CDKAL1: variants seen among roughly 807,000 people sequenced by gnomAD.
CDKAL1 encodes CDKAL1 threonylcarbamoyladenosine tRNA methylthiotransferase.
In CDKAL1, 32 loss-of-function variants were observed where a neutral mutation model predicts 68.2. The ratio of observed to expected loss-of-function variants is 0.47; its 90% CI spans 0.35 to 0.63. The LOEUF is 0.63. CDKAL1 is among the 30% of genes least tolerant of loss of function. CDKAL1 has a pLI of 0.00. For synonymous variants in CDKAL1, 234 were observed against 244.3 expected (o/e 0.96, Z 0.39); for missense variants, 606 against 696.7 (o/e 0.87, Z 1.47).
At position 20,557,049 on chromosome 6, in the gene CDKAL1, AAAAATAAAT is replaced by A. The variant is rs1260761622; in HGVS notation, c.286+8348_286+8356del. Among the ~76,000 whole-genome samples, 147 of 63,244 alleles carry A rather than the reference AAAAATAAAT, an allele frequency of 2.3e-3. 4 individuals are homozygous for A. In the East Asian group the frequency reaches 0.028, roughly 12 times the overall value. 41.5% of individuals were successfully genotyped at this position (63,244 alleles called of 152,430 possible). On this transcript the variant is annotated intron_variant, in intron 4 of 15. Coordinates refer to ENST00000274695, the MANE Select transcript of CDKAL1 (RefSeq NM_017774.3). ...AGAACGAGTCTCCATCTCAAAAAAAAAAAATAAATAAATAAATAAATAAATAAATAAATA... is the reference window on the plus strand; with the variant it reads ...AGAACGAGTCTCCATCTCAAAAAAAAAAATAAATAAATAAATAAATAAATA...
chr6:20,672,353 CTTTCTTTCT>C (rs1203851877), intron 5 of CDKAL1, among the ~76,000 whole-genome samples: 8 of 146,216 alleles, frequency 5.5e-5, no homozygotes, highest in Middle Eastern at 3.7e-3. Context: ...TCTCTCTTTC[CTTTCTTTCT>C]TTTCTTTCTT....
chr6:20,841,603 G>A (rs959082562), intron 8 of CDKAL1, among the ~76,000 whole-genome samples: 19 of 152,058 alleles, frequency 1.2e-4, no homozygotes, highest in African/African-American at 4.6e-4. Flanking sequence ...TCTACCATAG[G>A]TGTTTCTTAA....
intron 5 of CDKAL1, among the ~76,000 whole-genome samples, chr6:20,677,696 G>A (rs1218706502): frequency 6.6e-6 from 1 of 152,176 alleles, no homozygotes. Context: ...GATTACAGGT[G>A]TGAGCCCCCA....
intron 9 of CDKAL1, among the ~76,000 whole-genome samples, chr6:20,892,366 T>C (rs553205374): frequency 6.6e-6 from 1 of 152,320 alleles, no homozygotes; most frequent in East Asian, 1.9e-4. Context: ...TTGACAATTA[T>C]AAGACAAGTA....
At chr6:20,645,449 T>C (rs11963217) in intron 4 of CDKAL1, among the ~76,000 whole-genome samples, 35,051 of 152,048 alleles carry the variant, frequency 0.23, 4,412 homozygotes, top group African/African-American at 0.3. Flanking sequence ...TATTTACTTA[T>C]GGCCAGGCGC....
At chr6:20,717,868 A>G (rs193251332) in intron 5 of CDKAL1, among the ~76,000 whole-genome samples, 27 of 152,156 alleles carry the variant, frequency 1.8e-4, no homozygotes, top group Admixed American at 1.8e-3. Flanking sequence ...CTGGTTCTCT[A>G]ATTTTTCATC....
At chr6:20,618,369 T>C (rs1320881114) in intron 4 of CDKAL1, among the ~76,000 whole-genome samples, 1 of 152,244 alleles carries the variant, frequency 6.6e-6, no homozygotes, top group Admixed American at 6.5e-5. Context: ...AGGTTTCCTG[T>C]TCACTCTGAT....
chr6:20,872,605 G>T (rs1333838417), intron 9 of CDKAL1, among the ~76,000 whole-genome samples: 5 of 152,346 alleles, frequency 3.3e-5, no homozygotes, highest in Non-Finnish European at 5.9e-5. Flanking sequence ...AGTCTGAATA[G>T]CTGGGTGGAT....
intron 9 of CDKAL1, among the ~76,000 whole-genome samples, chr6:20,920,667 T>C (rs1357717786): frequency 1.3e-5 from 2 of 152,252 alleles, no homozygotes; most frequent in Non-Finnish European, 2.9e-5. Context: ...ATTTAGTTAG[T>C]ATTAAAATAA....
intron 9 of CDKAL1, among the ~76,000 whole-genome samples, chr6:20,869,551 C>T (rs980819896): frequency 3.9e-5 from 6 of 152,082 alleles, no homozygotes; most frequent in Admixed American, 6.5e-5. Flanking sequence ...GGTTGCCCAG[C>T]AGTATAAACA....
chr6:21,156,994 G>A (rs925791698), intron 13 of CDKAL1, among the ~76,000 whole-genome samples: 4 of 152,162 alleles, frequency 2.6e-5, no homozygotes, highest in African/African-American at 9.7e-5. Flanking sequence ...CTTCATATGT[G>A]TTTATTGATT....
chr6:21,103,607 A>T (rs912040115), intron 12 of CDKAL1, among the ~76,000 whole-genome samples: 4 of 152,190 alleles, frequency 2.6e-5, no homozygotes, highest in African/African-American at 9.7e-5. Context: ...AGCCCGCAAA[A>T]AATGCAGGAC....
chr6:21,180,766 C>T (rs1017754066), intron 13 of CDKAL1, among the ~76,000 whole-genome samples: 3 of 151,990 alleles, frequency 2.0e-5, no homozygotes, highest in African/African-American at 7.2e-5. Context: ...TTTTTATCTT[C>T]TGTTTGTGAT....
chr6:20,827,649 G>A (rs1409875504), intron 8 of CDKAL1, among the ~76,000 whole-genome samples: 4 of 152,060 alleles, frequency 2.6e-5, no homozygotes, highest in African/African-American at 7.2e-5. Flanking sequence ...ACTAAGTTAT[G>A]TGGTTCTGCC....
intron 5 of CDKAL1, among the ~76,000 whole-genome samples, chr6:20,676,902 A>C (rs1174674971): frequency 6.6e-6 from 1 of 152,092 alleles, no homozygotes; most frequent in African/African-American, 2.4e-5. Flanking sequence ...GTGTAAGTAC[A>C]CTTGAGGAAT....
intron 4 of CDKAL1, among the ~76,000 whole-genome samples, chr6:20,560,154 A>G (rs768238136): frequency 6.6e-6 from 1 of 152,252 alleles, no homozygotes; most frequent in Non-Finnish European, 1.5e-5. Flanking sequence ...CAGTTACACT[A>G]TTATAAATGA....
intron 4 of CDKAL1, among the ~76,000 whole-genome samples, chr6:20,562,567 C>T (rs1011754555): frequency 1.3e-5 from 2 of 151,894 alleles, no homozygotes; most frequent in African/African-American, 4.8e-5. Flanking sequence ...GGTGAAACCT[C>T]GTCCCTACTG....
chr6:20,679,067 GCT>G (rs1359047578), intron 5 of CDKAL1, among the ~76,000 whole-genome samples: 1 of 152,110 alleles, frequency 6.6e-6, no homozygotes, highest in Non-Finnish European at 1.5e-5. Context: ...ACCACACATG[GCT>G]AGATTTATTT....
chr6:20,942,470 C>T (rs1353614794), intron 9 of CDKAL1, among the ~76,000 whole-genome samples: 2 of 149,546 alleles, frequency 1.3e-5, no homozygotes, highest in Middle Eastern at 3.4e-3. Context: ...TGGGTTCAAG[C>T]GATTCTCCTG....
Sources: gnomAD v4.1 joint callset for allele counts (sites outside exome capture counted in the v4.1 genomes callset) on GRCh38, gnomAD v4.1.1 for gene constraint, MANE v1.5 for transcripts, NCBI Gene and HGNC (gene_info 2026-07-23, HGNC 2026-07-21) for gene names.